CAMK4: variants seen among roughly 807,000 people sequenced by gnomAD.
CAMK4 encodes calcium/calmodulin-dependent protein kinase type IV.
Under a neutral mutation model 44.9 loss-of-function variants are expected in CAMK4, and 22 were observed. The ratio of observed to expected loss-of-function variants is 0.49; its 90% confidence interval spans 0.35 to 0.70. The LOEUF (loss-of-function observed/expected upper bound fraction) is 0.70. Among genes scored for constraint, CAMK4 ranks in the 30% least tolerant of loss-of-function variants. CAMK4 has a pLI of 0.01. For missense variants in CAMK4, 498 were observed against 586.8 expected (o/e 0.85, Z 1.56); for synonymous variants, 218 against 215.4 (o/e 1.01, Z -0.11).
intron 1 of CAMK4, among the ~76,000 whole-genome samples, chr5:111,255,901 A>G (rs1749721160): frequency 6.6e-6 from 1 of 152,218 alleles, no homozygotes. Context: ...CAATAGTGTT[A>G]TTGGAAATTA....
intron 7 of CAMK4, among the ~76,000 whole-genome samples, chr5:111,457,434 A>C (rs1286544416): frequency 1.3e-5 from 2 of 152,244 alleles, no homozygotes; most frequent in Non-Finnish European, 2.9e-5. Flanking sequence ...ACAGTTTCTA[A>C]GATGACACAG....
chr5:111,320,266 C>T (rs1295641160), intron 1 of CAMK4, among the ~76,000 whole-genome samples: 4 of 151,986 alleles, frequency 2.6e-5, no homozygotes, highest in East Asian at 3.9e-4. Context: ...TTCTTATCAT[C>T]GTGGGGATAG....
At chr5:111,416,541 G>C (rs1031075575) in intron 5 of CAMK4, 4 of 152,154 alleles carry the variant, frequency 2.6e-5, no homozygotes, top group Non-Finnish European at 4.4e-5. Flanking sequence ...AGAACCTCAA[G>C]ATGTTGGATA....
chr5:111,251,137 C>A (rs1013176784), intron 1 of CAMK4, among the ~76,000 whole-genome samples: 2 of 152,166 alleles, frequency 1.3e-5, no homozygotes, highest in African/African-American at 4.8e-5. Flanking sequence ...TTTGTGTTAT[C>A]CACTCCTGTA....
chr5:111,412,053 T>G (rs1752650300), intron 5 of CAMK4, among the ~76,000 whole-genome samples: 1 of 152,084 alleles, frequency 6.6e-6, no homozygotes, highest in African/African-American at 2.4e-5. Flanking sequence ...GGAAGCATAA[T>G]ATAATAATAA....
At chr5:111,339,860 AG>A (rs1749564593) in intron 1 of CAMK4, among the ~76,000 whole-genome samples, 1 of 151,184 alleles carries the variant, frequency 6.6e-6, no homozygotes, top group African/African-American at 2.4e-5. Context: ...CCATGAACAC[AG>A]GATATCTTTT....
chr5:111,390,444 C>G (rs1580690100), intron 4 of CAMK4, among the ~76,000 whole-genome samples: 1 of 152,158 alleles, frequency 6.6e-6, no homozygotes, highest in African/African-American at 2.4e-5. Flanking sequence ...CTTTTAATAC[C>G]AGCTACTTTG....
intron 2 of CAMK4, among the ~76,000 whole-genome samples, chr5:111,353,802 A>C (rs1237192497): frequency 6.6e-6 from 1 of 152,154 alleles, no homozygotes; most frequent in Non-Finnish European, 1.5e-5. Context: ...GAGGTGAAAG[A>C]TCTGTACTCT....
At chr5:111,456,596 A>G (rs755618701) in intron 7 of CAMK4, among the ~76,000 whole-genome samples, 7 of 152,088 alleles carry the variant, frequency 4.6e-5, no homozygotes, top group Non-Finnish European at 7.4e-5. Context: ...AGTTTTTTAG[A>G]TTTTTAAACT....
intron 5 of CAMK4, among the ~76,000 whole-genome samples, chr5:111,432,274 T>G (rs140311252): frequency 4.6e-5 from 7 of 152,294 alleles, no homozygotes; most frequent in Admixed American, 4.6e-4. Context: ...CGTTGCATGT[T>G]TTCACTTATT....
chr5:111,223,616 T>C (rs988240013), upstream of CAMK4: 8 of 152,244 alleles, frequency 5.3e-5, no homozygotes, highest in African/African-American at 1.9e-4. The surrounding 1 kb of genome is among the most constrained non-coding windows in gnomAD (Gnocchi z 4.3). Flanking sequence ...CAGCCAAGTA[T>C]CTCCTCTTTT....
intron 2 of CAMK4, among the ~76,000 whole-genome samples, chr5:111,345,219 A>G (rs193143642): frequency 1.3e-5 from 2 of 152,060 alleles, no homozygotes; most frequent in Admixed American, 1.3e-4. Flanking sequence ...GTTAGAATTT[A>G]CAGTCATAGC....
chr5:111,410,394 C>G (rs935362988), intron 5 of CAMK4, among the ~76,000 whole-genome samples: 1 of 152,102 alleles, frequency 6.6e-6, no homozygotes, highest in African/African-American at 2.4e-5. Flanking sequence ...CCCCAAGATT[C>G]AATTATCTCC....
At chr5:111,296,882 T>C (rs1747505520) in intron 1 of CAMK4, among the ~76,000 whole-genome samples, 1 of 152,186 alleles carries the variant, frequency 6.6e-6, no homozygotes, top group Non-Finnish European at 1.5e-5. Flanking sequence ...CTGTTCTAAA[T>C]CAATACATTT....
chr5:111,401,224 T>G (rs776794908), intron 5 of CAMK4, among the ~76,000 whole-genome samples: 4 of 152,132 alleles, frequency 2.6e-5, no homozygotes, highest in Non-Finnish European at 5.9e-5. Context: ...CTGCAAGCTC[T>G]GCCTCCTGGG....
At chr5:111,328,210 GT>G (rs1748988274) in intron 1 of CAMK4, among the ~76,000 whole-genome samples, 1 of 150,478 alleles carries the variant, frequency 6.6e-6, no homozygotes, top group Non-Finnish European at 1.5e-5. Context: ...AAGGGATCCA[GT>G]TTCAGCTTTC....
intron 1 of CAMK4, among the ~76,000 whole-genome samples, chr5:111,318,670 C>T (rs908854928): frequency 1.3e-5 from 2 of 152,076 alleles, no homozygotes; most frequent in Admixed American, 6.6e-5. Flanking sequence ...AATGAAATGT[C>T]GCTAATGTCA....
chr5:111,460,331 A>G (rs27928), intron 7 of CAMK4, among the ~76,000 whole-genome samples: 119,699 of 143,700 alleles, frequency 0.83, 50,613 homozygotes, highest in African/African-American at 0.95. Context: ...GCAGTGGTGC[A>G]ATCGATCTTG....
At position 111,394,725 on chromosome 5, in the gene CAMK4, A is replaced by G. The variant is rs1442984252; in HGVS notation, c.402A>G (p.Gly134=). 2 of 1,612,232 alleles carry G rather than the reference A, an allele frequency of 1.2e-6. No homozygotes were observed. The highest frequency in any genetic ancestry group is 1.7e-6 in the Non-Finnish European group (2 of 1,178,740). Reference sequence around the variant, plus strand: ...TTTGTTCCAGGATTGTGGAAAAGGGATATTACAGTGAGCGAGATGCTGCAG... The same window carrying G: ...TTTGTTCCAGGATTGTGGAAAAGGGGTATTACAGTGAGCGAGATGCTGCAG... The part of the protein sequence containing the change: ...GELFDRIVEK[G]YYSERDAADA... The change falls in exon 5 of 11, where the codon GGA becomes GGG. Residue 134 remains glycine, a synonymous_variant. Coordinates refer to ENST00000282356, the MANE Select transcript of CAMK4 (RefSeq NM_001744.6).
Sources: gnomAD v4.1 joint callset for allele counts (sites outside exome capture counted in the v4.1 genomes callset) on GRCh38, gnomAD v4.1.1 for gene constraint, Gnocchi (gnomAD v3.1) non-coding constraint, MANE v1.5 for transcripts, NCBI Gene and HGNC (gene_info 2026-07-23, HGNC 2026-07-21) for gene names.